STK31: variants seen among roughly 807,000 people sequenced by gnomAD.
The protein encoded by STK31 is serine/threonine-protein kinase 31.
Under a neutral mutation model 129.7 loss-of-function variants are expected in STK31, and 89 were observed. The observed-to-expected ratio is 0.69, with a 90% CI of 0.58 to 0.82. The LOEUF is 0.82. Among genes scored for constraint, STK31 ranks in the 40% least tolerant of loss-of-function variants. The pLI is 0.00. For synonymous variants in STK31, 448 were observed against 395.3 expected, an observed-to-expected ratio of 1.13 and a Z score of -1.58; for missense variants, 1,187 against 1,176.4, an observed-to-expected ratio of 1.01 and a Z score of -0.13.
At chr7:23,782,656 A>C (rs1039789575) in intron 16 of STK31, among the ~76,000 whole-genome samples, 3 of 152,146 alleles carry the variant, frequency 2.0e-5, no homozygotes, top group Non-Finnish European at 2.9e-5. Flanking sequence ...TGCTTAATAA[A>C]TATGTGATAA....
intron 8 of STK31, among the ~76,000 whole-genome samples, chr7:23,745,314 G>A (rs1460027809): frequency 1.3e-5 from 2 of 152,172 alleles, no homozygotes; most frequent in African/African-American, 4.8e-5. Flanking sequence ...TCCAGGTGGT[G>A]AGTGCAGACT....
chr7:23,769,787 C>T (rs1481900363), intron 13 of STK31, 31 bp downstream of exon 13: 1 of 1,411,222 alleles, frequency 7.1e-7, no homozygotes, highest in African/African-American at 1.4e-5. Flanking sequence ...TTATTGCCTC[C>T]TTTGAAGCAG....
intron 15 of STK31, among the ~76,000 whole-genome samples, chr7:23,772,611 C>A (rs1239595596): frequency 2.0e-5 from 3 of 152,130 alleles, no homozygotes; most frequent in South Asian, 2.1e-4. Context: ...TTGCTACATG[C>A]AGGTGACAGG....
intron 15 of STK31, among the ~76,000 whole-genome samples, chr7:23,779,290 G>A (rs1364955642): frequency 6.6e-6 from 1 of 152,184 alleles, no homozygotes; most frequent in Non-Finnish European, 1.5e-5. Flanking sequence ...CTGCTGGGAG[G>A]TGTCTTCCAG....
chr7:23,738,212 G>A (rs1038529271), intron 8 of STK31, among the ~76,000 whole-genome samples: 4 of 152,076 alleles, frequency 2.6e-5, no homozygotes, highest in South Asian at 2.1e-4. Flanking sequence ...TTATTATTAA[G>A]GATATAACTC....
At chr7:23,742,923 T>C (rs773296254) in intron 8 of STK31, among the ~76,000 whole-genome samples, 1 of 151,554 alleles carries the variant, frequency 6.6e-6, no homozygotes, top group African/African-American at 2.4e-5. Context: ...GTTTTACTTG[T>C]GTGTTTGCTT....
intron 23 of STK31, among the ~76,000 whole-genome samples, chr7:23,816,465 C>T (rs1584493793): frequency 6.6e-6 from 1 of 152,184 alleles, no homozygotes; most frequent in South Asian, 2.1e-4. Flanking sequence ...TTTGGGATTT[C>T]TGCTTCAGTT....
At chr7:23,769,288 T>A in intron 12 of STK31, 114 bp downstream of exon 12, 2 of 995,898 alleles carry the variant, frequency 2.0e-6, no homozygotes, top group Non-Finnish European at 2.7e-6. Context: ...GTATCAGATT[T>A]AAAATTGCCA....
intron 14 of STK31, chr7:23,771,355 G>T (rs1038616259): frequency 3.2e-6 from 1 of 313,272 alleles, no homozygotes; most frequent in Non-Finnish European, 5.7e-6. Flanking sequence ...TTTTCTTTTT[G>T]CCTGTATGAG....
chr7:23,736,868 G>A (rs1787748926), intron 7 of STK31, 36 bp from the exon 8 acceptor site: 1 of 1,562,584 alleles, frequency 6.4e-7, no homozygotes. Flanking sequence ...GCCTTATACA[G>A]TTTGTTTGTC....
intron 6 of STK31, among the ~76,000 whole-genome samples, chr7:23,731,018 G>T (rs924274368): frequency 5.3e-5 from 8 of 150,202 alleles, no homozygotes; most frequent in Non-Finnish European, 1.5e-5. Flanking sequence ...CTGATAGCTG[G>T]AATTACAGGC....
chr7:23,744,024 G>T (rs1348311243), intron 8 of STK31, among the ~76,000 whole-genome samples: 3 of 151,776 alleles, frequency 2.0e-5, no homozygotes, highest in South Asian at 2.1e-4. Context: ...TGCTCAATCA[G>T]TGCTCCTGCC....
At chr7:23,738,047 G>T (rs1045767642) in intron 8 of STK31, among the ~76,000 whole-genome samples, 2 of 152,122 alleles carry the variant, frequency 1.3e-5, no homozygotes, top group African/African-American at 4.8e-5. Flanking sequence ...CCATAAAGCT[G>T]CCTCTACTTT....
chr7:23,793,468 A>T (rs1791761005), intron 22 of STK31, among the ~76,000 whole-genome samples: 1 of 152,240 alleles, frequency 6.6e-6, no homozygotes, highest in East Asian at 1.9e-4. Context: ...ACAGACTAGG[A>T]GAAAATATTT....
intron 10 of STK31, among the ~76,000 whole-genome samples, chr7:23,759,296 GA>G (rs1225021310): frequency 6.6e-6 from 1 of 152,182 alleles, no homozygotes; most frequent in African/African-American, 2.4e-5. Flanking sequence ...GACGTCTGCA[GA>G]ACTCTCTACC....
Position 23,787,927 on chromosome 7 carries a change from G to C in STK31, c.2488-53G>C, listed in dbSNP as rs1053404379. ...TCTTTTAATTAGAGAACAGTTTCAA[G>C]ATTAAAATGATTTGCCTACTTCCTC... On this transcript the variant is annotated intron_variant, in intron 20 of 23. Transcript: ENST00000355870. The C allele has an allele frequency of 2.9e-5, 42 of 1,445,708 alleles. No individual in the cohort carries two copies. In the African/African-American group the frequency reaches 5.8e-4, roughly 20 times the overall value. 89.6% of individuals were successfully genotyped at this position (1,445,708 alleles called of 1,614,324 possible). A position where few individuals can be genotyped will look rare whatever the true frequency, so the allele number is the denominator to read the frequency against.
At chr7:23,821,152 A>G (rs1329728744) in intron 23 of STK31, among the ~76,000 whole-genome samples, 6 of 152,176 alleles carry the variant, frequency 3.9e-5, no homozygotes, top group African/African-American at 1.2e-4. Context: ...TTTTATTTTG[A>G]TAACTATCAA....
rs1562602054 is a variant in STK31 at position 23,786,939 on chromosome 7, C to G, written c.2487+15C>G. On this transcript the variant is annotated intron_variant, in intron 20 of 23. Coordinates refer to ENST00000355870, the MANE Select transcript of STK31 (RefSeq NM_031414.5). The stretch of plus-strand genomic sequence containing the variant: ...TAAATTCAGAAGTAAGTAAAAAGCA[C>G]TATTTATTTCCATGGATGTATTAAA... 5.0e-6 allele frequency: 8 copies of G among 1,604,438 alleles called. No individual in the cohort carries two copies. The South Asian group carries it at 7.8e-5, about 16-fold the overall frequency.
At chr7:23,711,259 A>C (rs761353552) in intron 1 of STK31, among the ~76,000 whole-genome samples, 3 of 152,104 alleles carry the variant, frequency 2.0e-5, no homozygotes, top group African/African-American at 7.2e-5. Flanking sequence ...CAACATGGTG[A>C]AACCCCGTCT....
Sources: gnomAD v4.1 joint callset for allele counts (sites outside exome capture counted in the v4.1 genomes callset) on GRCh38, gnomAD v4.1.1 for gene constraint, MANE v1.5 for transcripts, NCBI Gene and HGNC (gene_info 2026-07-23, HGNC 2026-07-21) for gene names.